Variants in PCDHGB2 observed in about 807,000 individuals in gnomAD.
PCDHGB2 encodes protocadherin gamma-B2.
In PCDHGB2, 55 loss-of-function variants were observed where a neutral mutation model predicts 59.3. The observed-to-expected ratio is 0.93, with a 90% CI of 0.75 to 1.16. The LOEUF (loss-of-function observed/expected upper bound fraction) is 1.16, where lower values mean the gene tolerates loss of function less well. PCDHGB2 is among the 50% of genes most tolerant of loss of function. The pLI, the probability that PCDHGB2 is intolerant of heterozygous loss-of-function variation, is 0.00. For missense variants in PCDHGB2, 1,228 were observed against 1,198.5 expected (o/e 1.02, Z -0.36); for synonymous variants, 516 against 512.0 (o/e 1.01, Z -0.11).
At chr5:141,371,745 G>T (rs767038146) in intron 1 of PCDHGB2, 2 of 1,614,002 alleles carry the variant, frequency 1.2e-6, no homozygotes, top group South Asian at 2.2e-5. Flanking sequence ...CAACGTTCCC[G>T]TTTTCCACCA....
chr5:141,415,684 A>G, intron 1 of PCDHGB2: 2 of 1,437,842 alleles, frequency 1.4e-6, no homozygotes, highest in Non-Finnish European at 1.9e-6. Flanking sequence ...TTGCGGCATG[A>G]TGGTGGAAAG....
intron 1 of PCDHGB2, chr5:141,417,708 G>C (rs1028054307): frequency 1.2e-4 from 152 of 1,227,878 alleles, no homozygotes; most frequent in East Asian, 4.9e-4. Context: ...CCACACAGAG[G>C]CTCCCGGCTG....
chr5:141,487,040 C>T lies in PCDHGB2; in HGVS notation c.2422-7767C>T, dbSNP rs374574042. The T allele has an allele frequency of 3.7e-6, 6 of 1,614,136 alleles. No homozygotes were observed. Among genetic ancestry groups the T allele is most frequent in the South Asian group, 1.1e-5 (1 of 91,082 alleles). On this transcript the variant is annotated intron_variant, in intron 1 of 3. Transcript: ENST00000522605. This position sits in a 1 kb window ranked among gnomAD's most constrained non-coding sequence, Gnocchi z 5.0. Reference sequence around the variant, plus strand: ...AGATCCCAGCCTGTTTGCAGTCTCTCGATATGCTGGGGAGGTGCGGACGGC... The same window carrying T: ...AGATCCCAGCCTGTTTGCAGTCTCTTGATATGCTGGGGAGGTGCGGACGGC...
intron 1 of PCDHGB2, chr5:141,388,386 C>G: frequency 6.2e-7 from 1 of 1,613,944 alleles, no homozygotes; most frequent in Non-Finnish European, 8.5e-7. Flanking sequence ...CAACACACTG[C>G]AGAATTACCA....
chr5:141,376,532 G>A lies in PCDHGB2; in HGVS notation c.2421+13976G>A, dbSNP rs763806361. On this transcript the variant is annotated intron_variant, in intron 1 of 3. Transcript: ENST00000522605. ...GGTGAGTTTCTTTCCGCCTAAGCGGGAAGAGTAATCTGATCTTCCCGCAAC... is the reference window on the plus strand; with the variant it reads ...GGTGAGTTTCTTTCCGCCTAAGCGGAAAGAGTAATCTGATCTTCCCGCAAC... 3.7e-6 allele frequency: 6 copies of A among 1,613,740 alleles called. No individual in the cohort carries two copies. The Admixed American group carries it at 1.0e-4, about 27-fold the overall frequency.
rs202113404 is a variant in PCDHGB2, at chr5:141,414,779, A to G, written c.2421+52223A>G. The G allele has an allele frequency of 4.2e-4, 674 of 1,614,210 alleles. No homozygotes were observed. Among genetic ancestry groups the G allele is most frequent in the Admixed American group, 6.0e-4 (36 of 60,022 alleles). On this transcript the variant is annotated intron_variant, in intron 1 of 3. Transcript: ENST00000522605. ...GAGCAGTTTCATGAGCTACAGATGCAGGTGACAGCCAGCGACAGCGGGGAT... is the reference window on the plus strand; with the variant it reads ...GAGCAGTTTCATGAGCTACAGATGCGGGTGACAGCCAGCGACAGCGGGGAT...
Position 141,487,568 on chromosome 5 carries a change from C to G in PCDHGB2, c.2422-7239C>G, listed in dbSNP as rs752378906. The G allele has an allele frequency of 1.9e-6, 3 of 1,614,180 alleles. No homozygotes were observed. Among genetic ancestry groups the G allele is most frequent in the Non-Finnish European group, 2.5e-6 (3 of 1,180,042 alleles). ...ACCCAGTGCACCTATGGCAGGGGAG[C>G]CTGTTCGCCCAAGCTGCCCACCCTC... On this transcript the variant is annotated intron_variant, in intron 1 of 3. Transcript: ENST00000522605. This position sits in a 1 kb window ranked among gnomAD's most constrained non-coding sequence, Gnocchi z 5.0.
rs1422052114 is a variant in PCDHGB2, at chr5:141,511,168, A to T, written c.2791A>T (p.Lys931Ter). The change falls in exon 4 of 4, where the codon AAG (lysine) becomes TAG (stop). Residue 931 changes from lysine to a stop codon, truncating the protein, a stop_gained. Coordinates refer to ENST00000522605, the MANE Select transcript of PCDHGB2 (RefSeq NM_018923.3). LOFTEE classifies it high-confidence loss of function. ...GAAGAAGTCGGGCAAGAAGGAGAAG[A>T]AGTAACATGGAGGCCAGGCCAAGAG... is the stretch of plus-strand genomic sequence containing the variant. The part of the protein sequence containing the change: ...NKKKSGKKEK[K>*] 1.4e-5 allele frequency: 22 copies of T among 1,614,038 alleles called. No individual in the cohort carries two copies. The highest frequency in any genetic ancestry group is 1.7e-5 in the Non-Finnish European group (20 of 1,180,008).
rs189127761 is a variant in PCDHGB2 at position 141,385,037 on chromosome 5, C to A, written c.2421+22481C>A. Reference sequence around the variant, plus strand: ...CTAGCCTTCGTCCTCGTACTGCTGGCGCTCAGGCTGCGGCGCTGGCACAAG... The same window carrying A: ...CTAGCCTTCGTCCTCGTACTGCTGGAGCTCAGGCTGCGGCGCTGGCACAAG... On this transcript the variant is annotated intron_variant, in intron 1 of 3. Transcript: ENST00000522605. The A allele has an allele frequency of 5.8e-5, 93 of 1,614,148 alleles. No individual in the cohort carries two copies. In the East Asian group the frequency reaches 1.7e-3, roughly 30 times the overall value.
intron 1 of PCDHGB2, chr5:141,404,212 C>T: frequency 3.7e-6 from 6 of 1,613,616 alleles, no homozygotes; most frequent in Non-Finnish European, 5.1e-6. Flanking sequence ...AATATAATAT[C>T]ACGGTGACTG....
chr5:141,419,370 A>T, intron 1 of PCDHGB2: 1 of 1,613,692 alleles, frequency 6.2e-7, no homozygotes, highest in Non-Finnish European at 8.5e-7. Context: ...CTGTCGTCCT[A>T]CGTGTCCGTG....
In PCDHGB2 at chr5:141,458,391, C is replaced by G. The variant is rs534396279; in HGVS notation, c.2422-36416C>G. 5.9e-5 allele frequency among the ~76,000 whole-genome samples: 9 copies of G among 152,126 alleles called. No homozygotes were observed. In the South Asian group the frequency reaches 1.0e-3, roughly 18 times the overall value. ...GGAGAAGAGAGAAGGAAGACGCTCCCCCTTGCAGAGACGGAGCGGGGGTTC... is the reference window on the plus strand; with the variant it reads ...GGAGAAGAGAGAAGGAAGACGCTCCGCCTTGCAGAGACGGAGCGGGGGTTC... On this transcript the variant is annotated intron_variant, in intron 1 of 3. Coordinates refer to ENST00000522605, the MANE Select transcript of PCDHGB2 (RefSeq NM_018923.3).
chr5:141,425,794 G>A (rs915736198), intron 1 of PCDHGB2, among the ~76,000 whole-genome samples: 23 of 152,074 alleles, frequency 1.5e-4, no homozygotes, highest in Non-Finnish European at 2.2e-4. Context: ...CTTCCAATAT[G>A]TGCATTGCTT....
At position 141,419,393 on chromosome 5, in the gene PCDHGB2, G is replaced by C; in HGVS notation, c.2421+56837G>C. On this transcript the variant is annotated intron_variant, in intron 1 of 3. Transcript: ENST00000522605. ...CTACGTGTCCGTGAGCGCGCAGAGC[G>C]GGGTGGTGTTCGCGCAGCGCGCCTT... 1.2e-6 allele frequency: 2 copies of C among 1,613,620 alleles called. No homozygotes were observed. The highest frequency in any genetic ancestry group is 1.7e-6 in the Non-Finnish European group (2 of 1,179,912).
rs760572189 is a variant in PCDHGB2 at position 141,477,159 on chromosome 5, A to G, written c.2422-17648A>G. ...GTGGAGGTTGTGGATGTGAATGACA[A>G]CGCCCCGGAGATCACAGTCACCTCC... is the stretch of plus-strand genomic sequence containing the variant. On this transcript the variant is annotated intron_variant, in intron 1 of 3. Transcript: ENST00000522605. The surrounding 1 kb of genome is among the most constrained non-coding windows in gnomAD (Gnocchi z 4.9). The G allele has an allele frequency of 1.7e-5, 28 of 1,613,854 alleles. No individual in the cohort carries two copies. In the South Asian group the frequency reaches 3.1e-4, roughly 18 times the overall value.
In PCDHGB2 at chr5:141,461,525, A is replaced by T. The variant is rs966592635; in HGVS notation, c.2422-33282A>T. ...TTGGTGATTTGTTAGTTCCTTGTAGATTCTGGATACTAGTCCTTTGTCAGA... is the reference window on the plus strand; with the variant it reads ...TTGGTGATTTGTTAGTTCCTTGTAGTTTCTGGATACTAGTCCTTTGTCAGA... On this transcript the variant is annotated intron_variant, in intron 1 of 3. Coordinates refer to ENST00000522605, the MANE Select transcript of PCDHGB2 (RefSeq NM_018923.3). 5.3e-5 allele frequency among the ~76,000 whole-genome samples: 8 copies of T among 152,106 alleles called. No individual in the cohort carries two copies. The South Asian group carries it at 1.7e-3, about 31-fold the overall frequency.
At chr5:141,495,274 G>A (rs1396412578) in intron 2 of PCDHGB2, among the ~76,000 whole-genome samples, 1 of 152,190 alleles carries the variant, frequency 6.6e-6, no homozygotes, top group Non-Finnish European at 1.5e-5. Context: ...TTGACCGGAG[G>A]AGGCGGTCCG....
At chr5:141,421,146 C>T in intron 1 of PCDHGB2, 1 of 1,015,090 alleles carries the variant, frequency 9.9e-7, no homozygotes, top group Non-Finnish European at 1.4e-6. Flanking sequence ...TGGATGTAGT[C>T]GGCCTAGGAC....
At chr5:141,423,277 A>G (rs749771302) in intron 1 of PCDHGB2, 4 of 1,613,988 alleles carry the variant, frequency 2.5e-6, no homozygotes, top group Non-Finnish European at 8.5e-7. Flanking sequence ...GTCTCTGGCT[A>G]ACTCTGAAAC....
Sources: gnomAD v4.1 joint callset for allele counts (sites outside exome capture counted in the v4.1 genomes callset) on GRCh38, gnomAD v4.1.1 for gene constraint, Gnocchi (gnomAD v3.1) non-coding constraint, MANE v1.5 for transcripts, NCBI Gene and HGNC (gene_info 2026-07-23, HGNC 2026-07-21) for gene names.